The following ANKAR variants were observed in gnomAD, a reference collection of about 807,000 sequenced individuals.
ANKAR encodes ankyrin and armadillo repeat-containing protein.
A neutral mutation model predicts 146.2 loss-of-function variants in ANKAR; 136 were observed. The observed-to-expected ratio is 0.93, with a 90% confidence interval of 0.81 to 1.07. The LOEUF (loss-of-function observed/expected upper bound fraction) is 1.07. Ranked by LOEUF, ANKAR falls within the 50% of genes least tolerant of loss-of-function variation. The pLI, the probability that ANKAR is intolerant of heterozygous loss-of-function variation, is 0.00. For missense variants in ANKAR, 1,567 were observed against 1,679.9 expected (o/e 0.93, Z 1.18); for synonymous variants, 500 against 575.8 (o/e 0.87, Z 1.88).
At chr2:189,736,499 G>GTTTTTTT (rs71938893) in intron 17 of ANKAR, among the ~76,000 whole-genome samples, 4,510 of 113,644 alleles carry the variant, frequency 0.04, 742 homozygotes, top group Non-Finnish European at 0.054. Flanking sequence ...AGGTGACTGG[G>GTTTTTTT]TTTTGTGTGT....
chr2:189,713,269 A>G (rs2039958688), intron 10 of ANKAR, among the ~76,000 whole-genome samples: 1 of 152,178 alleles, frequency 6.6e-6, no homozygotes, highest in Non-Finnish European at 1.5e-5. Context: ...TACAGAGAAC[A>G]CCACAAAGAT....
At chr2:189,706,696 C>T (rs2038999020) in intron 8 of ANKAR, among the ~76,000 whole-genome samples, 1 of 152,146 alleles carries the variant, frequency 6.6e-6, no homozygotes, top group South Asian at 2.1e-4. Context: ...TGTGCGTTAT[C>T]ATCCTCCAAA....
chr2:189,728,777 G>A lies in ANKAR; in HGVS notation c.3149G>A (p.Gly1050Asp), dbSNP rs186809545. ...CTAAGAATTAGTACGATTGCTGAAG[G>A]CACACTTCTCAGTGTCATCAGAGCA... is the stretch of plus-strand genomic sequence containing the variant. ...RLLRISTIAE[G>D]TLLSVIRAVG... Residue 1050 changes from glycine to aspartate, a missense_variant, in exon 15 of 23, where the codon GGC (glycine) becomes GAC (aspartate). By Grantham distance (94) the Gly-to-Asp change is moderately conservative. Transcript: ENST00000684021. 1 of 1,613,986 alleles carries A rather than the reference G, an allele frequency of 6.2e-7. No individual in the cohort carries two copies. The highest frequency in any genetic ancestry group is 1.7e-5 in the Admixed American group (1 of 60,004).
Position 189,689,545 on chromosome 2 carries a change from A to T in ANKAR, c.620A>T (p.Lys207Met). The T allele has an allele frequency of 6.3e-7, 1 of 1,578,642 alleles. No individual in the cohort carries two copies. The highest frequency in any genetic ancestry group is 8.6e-7 in the Non-Finnish European group (1 of 1,166,318). Residue 207 changes from lysine to methionine, a missense_variant, in exon 3 of 23, where the codon AAG becomes ATG. Coordinates refer to ENST00000684021, the MANE Select transcript of ANKAR (RefSeq NM_001378068.1). The stretch of plus-strand genomic sequence containing the variant: ...CATGAAGGTTTGACTGATATTACAA[A>T]GGATCCAGACTTTAATGAAATCTAT... Reference protein sequence around the residue: ...FSSAGLTDITKDPDFNEIYDE... With the variant: ...FSSAGLTDITMDPDFNEIYDE...
rs771459680 is a variant in ANKAR, at chr2:189,730,476, C to CT, written c.3194-18dup. The CT allele has an allele frequency of 6.9e-7, 1 of 1,452,078 alleles. No individual in the cohort carries two copies. The highest frequency in any genetic ancestry group is 9.4e-7 in the Non-Finnish European group (1 of 1,059,122). 89.9% of individuals were successfully genotyped at this position (1,452,078 alleles called of 1,614,324 possible). ...TAAGATGGAAAAAAATATTACCTCA[C>CT]TGGCGTGGACTCTTACAGGTGTAGC... On this transcript the variant is annotated intron_variant, in intron 15 of 22. Coordinates refer to ENST00000684021, the MANE Select transcript of ANKAR (RefSeq NM_001378068.1).
chr2:189,739,550 G>C (rs2043140973), intron 19 of ANKAR, among the ~76,000 whole-genome samples: 1 of 151,590 alleles, frequency 6.6e-6, no homozygotes, highest in Admixed American at 6.6e-5. Context: ...AACAACTGTA[G>C]TGGGTTTAGA....
chr2:189,728,398 A>G lies in ANKAR; in HGVS notation c.3009A>G (p.Pro1003=). The G allele has an allele frequency of 6.2e-7, 1 of 1,602,010 alleles. No homozygotes were observed. Among genetic ancestry groups the G allele is most frequent in the Non-Finnish European group, 8.5e-7 (1 of 1,176,988 alleles). Residue 1003 remains proline (P), a synonymous_variant, in exon 14 of 23, where the codon CCA becomes CCG. Coordinates refer to ENST00000684021, the MANE Select transcript of ANKAR (RefSeq NM_001378068.1). ...TTATAATAAATATGCTTTTGTCACC[A>G]TCAGCTAAAATGCAGTATGTTGGTA... ...YSFIINMLLS[P]SAKMQYVGGE...
intron 17 of ANKAR, among the ~76,000 whole-genome samples, chr2:189,736,508 G>T (rs141414444): frequency 0.83 from 93,090 of 111,904 alleles, 38,470 homozygotes; most frequent in South Asian, 0.95. Flanking sequence ...GGTTTTGTGT[G>T]TGTGTGTGTG....
rs950480033 is a variant in ANKAR, at chr2:189,725,895, G to A, written c.2636-1961G>A. ...TGCATTCCAGCCTGGGTGACAGAGC[G>A]AGACCTTGTCTCAAAAAAGAAAAGA... On this transcript the variant is annotated intron_variant, in intron 12 of 22. Coordinates refer to ENST00000684021, the MANE Select transcript of ANKAR (RefSeq NM_001378068.1). 3.3e-5 allele frequency among the ~76,000 whole-genome samples: 5 copies of A among 152,014 alleles called. No homozygotes were observed. In the South Asian group the frequency reaches 8.3e-4, roughly 25 times the overall value.
chr2:189,736,502 T>TTG lies in ANKAR; in HGVS notation c.3424-1145_3424-1144dup, dbSNP rs1216423870. ...TTTTGCCTATTTAGGTGACTGGGTT[T>TTG]TGTGTGTGTGTGTGTGTGTGTGTGT... On this transcript the variant is annotated intron_variant, in intron 17 of 22. Transcript: ENST00000684021. Among the ~76,000 whole-genome samples the TTG allele has an allele frequency of 1.8e-4, 26 of 142,066 alleles. 1 individual carries two copies. Among genetic ancestry groups the TTG allele is most frequent in the African/African-American group, 6.6e-4 (26 of 39,132 alleles). The allele number at this position is 142,066 out of a possible 152,430, so 93.2% of individuals were successfully genotyped here.
At chr2:189,754,161 A>G (rs1160248823) in intron 18 of ANKAR, 5 of 1,612,526 alleles carry the variant, frequency 3.1e-6, no homozygotes, top group Admixed American at 3.3e-5. Context: ...TTCCTTTTTC[A>G]TTATTATTTT....
At chr2:189,719,039 G>A (rs2040922056) in intron 10 of ANKAR, among the ~76,000 whole-genome samples, 3 of 152,094 alleles carry the variant, frequency 2.0e-5, no homozygotes. Context: ...GTGAGCCACC[G>A]CGCCCGGCCT....
chr2:189,742,874 ACACACACACACACACAC>A (rs2043500158), intron 20 of ANKAR, among the ~76,000 whole-genome samples: 5 of 97,618 alleles, frequency 5.1e-5, no homozygotes, highest in Non-Finnish European at 1.1e-4. Context: ...TGACACACAC[ACACACACACACACACAC>A]ACTAGAATTA....
downstream of ANKAR, chr2:189,747,218 AGTCCC>A (rs2044262984): frequency 6.6e-6 from 1 of 152,156 alleles, no homozygotes; most frequent in South Asian, 2.1e-4. Flanking sequence ...GCACACCTGT[AGTCCC>A]GGCTATTCAA....
chr2:189,700,690 T>A (rs575757987), intron 7 of ANKAR, among the ~76,000 whole-genome samples: 1 of 152,200 alleles, frequency 6.6e-6, no homozygotes, highest in Non-Finnish European at 1.5e-5. Context: ...CCCACTACCC[T>A]TCCCAGCCTC....
At chr2:189,679,714 A>G (rs115236024) in intron 2 of ANKAR, among the ~76,000 whole-genome samples, 2,823 of 152,200 alleles carry the variant, frequency 0.019, 86 homozygotes, top group African/African-American at 0.064. Flanking sequence ...GCATCTATTG[A>G]GATGATTTTT....
chr2:189,745,750 G>A (rs889141663), intron 22 of ANKAR, among the ~76,000 whole-genome samples: 2 of 152,138 alleles, frequency 1.3e-5, no homozygotes, highest in Non-Finnish European at 2.9e-5. Context: ...GAAAGGAAGA[G>A]AATTTAAAAA....
chr2:189,737,940 T>C, intron 18 of ANKAR, 99 bp downstream of exon 18: 1 of 1,227,708 alleles, frequency 8.1e-7, no homozygotes, highest in Non-Finnish European at 1.1e-6. Flanking sequence ...CGTTTACTTA[T>C]TTGTAAAAAC....
downstream of ANKAR, chr2:189,761,382 C>T: frequency 6.4e-7 from 1 of 1,555,056 alleles, no homozygotes; most frequent in Non-Finnish European, 8.6e-7. Context: ...TTTACTTTTT[C>T]CAAAAAAGTG....
Sources: allele counts gnomAD v4.1 joint callset (sites outside exome capture counted in the v4.1 genomes callset), GRCh38; gene constraint gnomAD v4.1.1; transcripts MANE v1.5; gene names NCBI Gene and HGNC (gene_info 2026-07-23, HGNC 2026-07-21).